The following PSMD8 variants were observed in gnomAD, a reference collection of about 807,000 sequenced individuals.
PSMD8 encodes the protein 26S proteasome non-ATPase regulatory subunit 8.
PSMD8 carries 30 observed loss-of-function variants against 40.0 expected under a neutral mutation model. The ratio of observed to expected loss-of-function variants is 0.75; its 90% CI spans 0.56 to 1.02. The LOEUF (loss-of-function observed/expected upper bound fraction) is 1.02, where lower values mean the gene tolerates loss of function less well. PSMD8 is among the 50% of genes least tolerant of loss of function. The pLI, the probability that PSMD8 is intolerant of heterozygous loss-of-function variation, is 0.00. For synonymous variants in PSMD8, 208 were observed against 192.5 expected, an observed-to-expected ratio of 1.08 and a Z score of -0.67; for missense variants, 461 against 463.9, an observed-to-expected ratio of 0.99 and a Z score of 0.06.
Position 38,374,759 on chromosome 19 carries a change from A to G in PSMD8, c.158A>G (p.Lys53Arg). ...AGCGTTTGTAGGCGGCGCTGCCGTAAATCAGGCGGTCTGCTTGCCGCATCA... is the reference window on the plus strand; with the variant it reads ...AGCGTTTGTAGGCGGCGCTGCCGTAGATCAGGCGGTCTGCTTGCCGCATCA... ...RASVCRRRCR[K>R]SGGLLAASRK... is the part of the protein sequence containing the mutation. The change falls in exon 1 of 7, where the codon AAA becomes AGA. Residue 53 changes from lysine to arginine, a missense_variant. Lys to Arg is a conservative substitution (Grantham distance 26). Around this residue, in one of 2 missense-constraint regions of PSMD8, gnomAD observed 225 missense variants for 142.7 expected, o/e 1.58. Transcript: ENST00000215071. 2 of 1,562,890 alleles carry G rather than the reference A, an allele frequency of 1.3e-6. No individual in the cohort carries two copies. The highest frequency in any genetic ancestry group is 8.6e-7 in the Non-Finnish European group (1 of 1,158,474).
chr19:38,379,091 G>A, intron 3 of PSMD8, 149 bp from the exon 4 acceptor site: 2 of 744,262 alleles, frequency 2.7e-6, no homozygotes, highest in Non-Finnish European at 4.3e-6. Context: ...ATGCATCTTT[G>A]GGACACAGTT....
Position 38,380,953 on chromosome 19 carries a change from GC to G in PSMD8, c.759del (p.Glu254ArgfsTer46). On this transcript the variant is annotated frameshift_variant, in exon 5 of 7. Transcript: ENST00000215071. LOFTEE classifies it high-confidence loss of function. ...GTTCCTGGCCAAGGGTAACATCCCC[GC>G]CGAGAGCTACACCTTCTTCATTGAC... ...KVFLAKGNIP[A>X]ESYTFFIDIL... The G allele has an allele frequency of 6.6e-7, 1 of 1,513,394 alleles. No homozygotes were observed. Among genetic ancestry groups the G allele is most frequent in the Non-Finnish European group, 8.9e-7 (1 of 1,129,628 alleles). 93.7% of individuals were successfully genotyped at this position (1,513,394 alleles called of 1,614,324 possible). A position where few individuals can be genotyped will look rare whatever the true frequency, so the allele number is the denominator to read the frequency against.
At chr19:38,379,119 A>G (rs1215885319) in intron 3 of PSMD8, 121 bp from the exon 4 acceptor site, 7 of 1,018,568 alleles carry the variant, frequency 6.9e-6, no homozygotes, top group Non-Finnish European at 5.6e-6. Flanking sequence ...ATGAAAACCC[A>G]GGACCTGATA....
In PSMD8 at chr19:38,378,746, G is replaced by A. The variant is rs541598978; in HGVS notation, c.537-494G>A. Among the ~76,000 whole-genome samples the A allele has an allele frequency of 1.7e-3, 261 of 151,644 alleles. 1 individual carries two copies. The highest frequency in any genetic ancestry group is 6.0e-3 in the African/African-American group (249 of 41,334). ...AGGTGGGTGGATCACGAGATCAGGA[G>A]TTCGAGACCAGCCTGGCCAGCATAG... is the stretch of plus-strand genomic sequence containing the variant. On this transcript the variant is annotated intron_variant, in intron 3 of 6. Coordinates refer to ENST00000215071, the MANE Select transcript of PSMD8 (RefSeq NM_002812.5).
At chr19:38,377,796 C>T (rs767495253) in intron 3 of PSMD8, among the ~76,000 whole-genome samples, 12 of 152,140 alleles carry the variant, frequency 7.9e-5, no homozygotes, top group Non-Finnish European at 1.5e-4. Flanking sequence ...CCCACGACCA[C>T]GCCCAGCTAA....
At chr19:38,382,010 A>G (rs2145130087) in intron 5 of PSMD8, 107 bp from the exon 6 acceptor site, 4 of 725,390 alleles carry the variant, frequency 5.5e-6, no homozygotes, top group Non-Finnish European at 9.4e-6. Flanking sequence ...TATTCCTGCC[A>G]TCAGTGCTGA....
chr19:38,382,042 CAT>C lies in PSMD8; in HGVS notation c.804-74_804-73del, dbSNP rs1970644650. On this transcript the variant is annotated intron_variant, in intron 5 of 6. Transcript: ENST00000215071. ...CTGAACTCCAGGGTCAGAGCTGACA[CAT>C]GTCAGGTCTGGGGGGACAGGTCCTG... The C allele has an allele frequency of 9.8e-6, 10 of 1,021,286 alleles. No individual in the cohort carries two copies. The South Asian group carries it at 1.3e-4, about 13-fold the overall frequency. The allele number at this position is 1,021,286 out of a possible 1,614,324, so 63.3% of individuals were successfully genotyped here. A position where few individuals can be genotyped will look rare whatever the true frequency, so the allele number is the denominator to read the frequency against.
In PSMD8 at chr19:38,383,468, G is replaced by A. The variant is rs1970661304; in HGVS notation, c.*78G>A. 1 of 1,568,274 alleles carries A rather than the reference G, an allele frequency of 6.4e-7. No individual in the cohort carries two copies. The highest frequency in any genetic ancestry group is 1.7e-5 in the Admixed American group (1 of 57,912). Reference sequence around the variant, plus strand: ...TGCAGGGTTTCGCCCAATAAAGGTGGACTGACATTCCCTCTTCCAGGCCCT... The same window carrying A: ...TGCAGGGTTTCGCCCAATAAAGGTGAACTGACATTCCCTCTTCCAGGCCCT... On this transcript the variant is annotated 3_prime_UTR_variant, in exon 7 of 7. Transcript: ENST00000215071.
At chr19:38,382,630 G>T in intron 6 of PSMD8, 1 of 350,650 alleles carries the variant, frequency 2.9e-6, no homozygotes, top group Non-Finnish European at 5.2e-6. Context: ...TGGCTCCCGC[G>T]CACCAAGGTG....
chr19:38,376,126 CT>C, intron 1 of PSMD8, 33 bp from the exon 2 acceptor site: 1 of 1,542,774 alleles, frequency 6.5e-7, no homozygotes, highest in Non-Finnish European at 8.9e-7. Context: ...GAATTCCCTT[CT>C]TTTCTTTCTT....
chr19:38,374,995 CGGG>C, intron 1 of PSMD8, 34 bp downstream of exon 1: 1 of 1,538,066 alleles, frequency 6.5e-7, no homozygotes, highest in East Asian at 2.4e-5. Flanking sequence ...CCGAGTGTTG[CGGG>C]CGTGGGAGGC....
At chr19:38,380,723 T>TGTGTGCGCGCGCGCGCGTGCGCGC (rs1555743512) in intron 4 of PSMD8, among the ~76,000 whole-genome samples, 176 bp from the exon 5 acceptor site, 2 of 144,006 alleles carry the variant, frequency 1.4e-5, no homozygotes, top group South Asian at 2.3e-4. Context: ...TGTGTGTGTG[T>TGTGTGCGCGCGCGCGCGTGCGCGC]GTGTGTGCGC....
chr19:38,380,053 C>T lies in PSMD8; in HGVS notation c.702+648C>T, dbSNP rs758817064. ...CTGTAATCCCAGCACATTGGGAGGC[C>T]GAGGCGGGTGGATCACCTGAGTTCA... On this transcript the variant is annotated intron_variant, in intron 4 of 6. Coordinates refer to ENST00000215071, the MANE Select transcript of PSMD8 (RefSeq NM_002812.5). 3.3e-5 allele frequency among the ~76,000 whole-genome samples: 5 copies of T among 152,258 alleles called. 1 individual carries two copies. Among genetic ancestry groups the T allele is most frequent in the African/African-American group, 1.2e-4 (5 of 41,550 alleles).
intron 6 of PSMD8, chr19:38,382,918 A>G (rs369549796): frequency 6.6e-5 from 16 of 242,286 alleles, no homozygotes; most frequent in East Asian, 5.2e-4. Context: ...TCTGGGGAAA[A>G]AAAAAAAAAA....
chr19:38,382,960 G>T, intron 6 of PSMD8: 1 of 358,844 alleles, frequency 2.8e-6, no homozygotes. Context: ...TTTAGTGATG[G>T]TGACAGCTGG....
intron 3 of PSMD8, 25 bp downstream of exon 3, chr19:38,376,479 TG>T (rs34190906): frequency 2.6e-5 from 40 of 1,520,434 alleles, no homozygotes; most frequent in East Asian, 7.4e-5. Context: ...TGCCCCCAAC[TG>T]GGGGGGTGGT....
intron 3 of PSMD8, 94 bp downstream of exon 3, chr19:38,376,548 T>G: frequency 9.0e-7 from 1 of 1,109,446 alleles, no homozygotes; most frequent in Admixed American, 2.1e-5. Flanking sequence ...TTCCTTCATC[T>G]GGGAACTCCT....
At chr19:38,378,275 A>G (rs1162593893) in intron 3 of PSMD8, among the ~76,000 whole-genome samples, 1 of 152,128 alleles carries the variant, frequency 6.6e-6, no homozygotes, top group African/African-American at 2.4e-5. Flanking sequence ...TGGGAGGCCA[A>G]GGTGGGCGGA....
At chr19:38,383,178 A>G in intron 6 of PSMD8, 75 bp from the exon 7 acceptor site, 1 of 1,581,228 alleles carries the variant, frequency 6.3e-7, no homozygotes, top group Non-Finnish European at 8.7e-7. Flanking sequence ...ACACGTGGGC[A>G]AGTGCTGGCC....
Sources: gnomAD v4.1 joint callset for allele counts (sites outside exome capture counted in the v4.1 genomes callset) on GRCh38, gnomAD v4.1.1 for gene constraint, gnomAD v4.1.1 regional missense constraint, MANE v1.5 for transcripts, NCBI Gene and HGNC (gene_info 2026-07-23, HGNC 2026-07-21) for gene names.